The following SPAG17 variants were observed in gnomAD, a reference collection of about 807,000 sequenced individuals.
The protein encoded by SPAG17 is sperm associated antigen 17, also known as sperm-associated antigen 17.
A neutral mutation model predicts 273.6 loss-of-function variants in SPAG17; 169 were observed. That is an observed-to-expected ratio of 0.62 (90% confidence interval 0.55 to 0.70). The LOEUF is 0.70. SPAG17 is among the 30% of genes least tolerant of loss of function. SPAG17 has a pLI of 0.00. For missense variants in SPAG17, 2,557 were observed against 2,627.8 expected, an observed-to-expected ratio of 0.97 and a Z score of 0.59; for synonymous variants, 825 against 873.2, an observed-to-expected ratio of 0.94 and a Z score of 0.97.
At chr1:117,954,556 CTTGAT>C (rs1651881132) in intron 48 of SPAG17, 2 of 1,609,840 alleles carry the variant, frequency 1.2e-6, no homozygotes, top group African/African-American at 1.3e-5. Flanking sequence ...TTTTTAATGA[CTTGAT>C]TTAATAATTT....
At chr1:118,028,013 G>A (rs1291568312) in intron 26 of SPAG17, among the ~76,000 whole-genome samples, 1 of 152,170 alleles carries the variant, frequency 6.6e-6, no homozygotes, top group Non-Finnish European at 1.5e-5. Context: ...CCTTGGGCAA[G>A]TAACTGAACC....
rs373736786 is a variant in SPAG17, at chr1:118,086,430, T to C, written c.1611+241A>G. On this transcript the variant is annotated intron_variant, in intron 12 of 48. Coordinates refer to ENST00000336338, the MANE Select transcript of SPAG17 (RefSeq NM_206996.4). The stretch of plus-strand genomic sequence containing the variant: ...TAAGGTTTTAATGAAAATTTAGTGG[T>C]GGTAACAATTAATTGAATTGTTAAT... 1.2e-4 allele frequency among the ~76,000 whole-genome samples: 18 copies of C among 152,300 alleles called. 1 individual carries two copies. Among genetic ancestry groups the C allele is most frequent in the Admixed American group, 7.8e-4 (12 of 15,292 alleles).
At position 118,074,349 on chromosome 1, in the gene SPAG17, C is replaced by T. The variant is rs140861204; in HGVS notation, c.2271+190G>A. On this transcript the variant is annotated intron_variant, in intron 16 of 48. Transcript: ENST00000336338. ...AGGAGCTGGGAAGTTATGCGCAAGC[C>T]GCCTAGCAATATTAACTCCTTTCTG... Among the ~76,000 whole-genome samples, 321 of 152,246 alleles carry T rather than the reference C, an allele frequency of 2.1e-3. 2 individuals carry two copies. Among genetic ancestry groups the T allele is most frequent in the African/African-American group, 7.5e-3 (310 of 41,540 alleles).
chr1:117,977,843 C>T (rs1233158007), intron 43 of SPAG17, among the ~76,000 whole-genome samples: 1 of 152,186 alleles, frequency 6.6e-6, no homozygotes, highest in Non-Finnish European at 1.5e-5. Context: ...CACTCTCGAT[C>T]ATTCCTTTTA....
rs562158490 is a variant in SPAG17, at chr1:117,989,402, A to C, written c.5522-1198T>G. On this transcript the variant is annotated intron_variant, in intron 38 of 48. Coordinates refer to ENST00000336338, the MANE Select transcript of SPAG17 (RefSeq NM_206996.4). ...TAACGAAAAAGGAAGCAACAGAGAG[A>C]GGGGTGATGCCAGACTCATTTTACC... Among the ~76,000 whole-genome samples the C allele has an allele frequency of 7.2e-5, 11 of 151,992 alleles. No individual in the cohort carries two copies. In the East Asian group the frequency reaches 2.1e-3, roughly 30 times the overall value.
In SPAG17 at chr1:118,031,350, T is replaced by C. The variant is rs561532487; in HGVS notation, c.3609+342A>G. Reference sequence around the variant, plus strand: ...CATTTGTTATTTATCACAGTGGAGCTAAACAAAGTATTAAAAATAAGGAAT... The same window carrying C: ...CATTTGTTATTTATCACAGTGGAGCCAAACAAAGTATTAAAAATAAGGAAT... On this transcript the variant is annotated intron_variant, in intron 25 of 48. Coordinates refer to ENST00000336338, the MANE Select transcript of SPAG17 (RefSeq NM_206996.4). 2.6e-5 allele frequency among the ~76,000 whole-genome samples: 4 copies of C among 152,182 alleles called. No homozygotes were observed. The South Asian group carries it at 8.3e-4, about 32-fold the overall frequency.
chr1:117,960,646 CACA>C (rs1652952851), intron 48 of SPAG17: 1 of 152,326 alleles, frequency 6.6e-6, no homozygotes, highest in South Asian at 2.1e-4. Context: ...AGTGCATACG[CACA>C]ACACTTGAGC....
At chr1:118,000,165 C>A (rs1465314288) in intron 32 of SPAG17, among the ~76,000 whole-genome samples, 1 of 152,140 alleles carries the variant, frequency 6.6e-6, no homozygotes, top group Non-Finnish European at 1.5e-5. Flanking sequence ...GGCCTCTGTC[C>A]TGTTCCATTG....
In SPAG17 at chr1:118,101,941, C is replaced by T. The variant is rs868568967; in HGVS notation, c.448-15G>A. Reference sequence around the variant, plus strand: ...TCTTCTATTACCTGGAATGAGAGAACACTTTTTTCTCCAAATCAAACAGTG... The same window carrying T: ...TCTTCTATTACCTGGAATGAGAGAATACTTTTTTCTCCAAATCAAACAGTG... On this transcript the variant is annotated splice_polypyrimidine_tract_variant and intron_variant, in intron 4 of 48. Transcript: ENST00000336338. 8.7e-6 allele frequency: 14 copies of T among 1,600,766 alleles called. No individual in the cohort carries two copies. Among genetic ancestry groups the T allele is most frequent in the Middle Eastern group, 1.7e-4 (1 of 6,004 alleles).
intron 20 of SPAG17, among the ~76,000 whole-genome samples, chr1:118,052,426 G>C (rs1438117000): frequency 3.3e-5 from 5 of 151,584 alleles, no homozygotes. Flanking sequence ...TGTTGGTCAA[G>C]GGATGTGAAA....
chr1:117,971,703 G>A (rs1654583123), intron 45 of SPAG17, 160 bp downstream of exon 45: 1 of 516,948 alleles, frequency 1.9e-6, no homozygotes, highest in East Asian at 3.2e-5. Context: ...GTTGATGAAT[G>A]AATGAATGAG....
At chr1:118,029,270 G>C (rs902047442) in intron 25 of SPAG17, among the ~76,000 whole-genome samples, 1 of 151,980 alleles carries the variant, frequency 6.6e-6, no homozygotes, top group Non-Finnish European at 1.5e-5. Context: ...AGAGAAACAG[G>C]CTCTTACCAG....
chr1:118,150,387 T>A (rs1659306315), intron 3 of SPAG17, 156 bp downstream of exon 3: 1 of 406,170 alleles, frequency 2.5e-6, no homozygotes, highest in Non-Finnish European at 4.4e-6. Flanking sequence ...AGGAGGCAGA[T>A]TTTTTTTGTG....
At chr1:117,970,403 G>T (rs1036260278) in intron 45 of SPAG17, among the ~76,000 whole-genome samples, 1 of 152,202 alleles carries the variant, frequency 6.6e-6, no homozygotes, top group Admixed American at 6.5e-5. Context: ...CAGTGGGACT[G>T]TTTGGCTGGT....
At chr1:118,007,958 G>A (rs1659073806) in intron 31 of SPAG17, 86 bp downstream of exon 31, 3 of 1,456,212 alleles carry the variant, frequency 2.1e-6, no homozygotes, top group Non-Finnish European at 2.9e-6. Flanking sequence ...GTACATTGCA[G>A]GCATTTTTAC....
intron 40 of SPAG17, among the ~76,000 whole-genome samples, chr1:117,986,506 C>T (rs925316816): frequency 2.0e-5 from 3 of 152,222 alleles, no homozygotes; most frequent in Admixed American, 1.3e-4. Flanking sequence ...AAAAAACTTT[C>T]ACTGGCTTGC....
chr1:117,992,371 G>T, intron 36 of SPAG17, 95 bp downstream of exon 36: 5 of 1,222,684 alleles, frequency 4.1e-6, no homozygotes, highest in African/African-American at 1.5e-5. Context: ...GACAAATATT[G>T]GTAGAATTAC....
chr1:117,992,677 C>T lies in SPAG17; in HGVS notation c.5179-29G>A, dbSNP rs1242061736. On this transcript the variant is annotated intron_variant, in intron 35 of 48. Transcript: ENST00000336338. ...TTAACAAAACAAAGCAATAACACCA[C>T]CAAAGAAATCAGAATGTTTTCACAT... 12 of 1,499,264 alleles carry T rather than the reference C, an allele frequency of 8.0e-6. No individual in the cohort carries two copies. In the East Asian group the frequency reaches 2.9e-4, roughly 37 times the overall value. 92.9% of individuals were successfully genotyped at this position (1,499,264 alleles called of 1,614,324 possible).
chr1:118,177,435 A>G (rs1660745799), intron 1 of SPAG17, among the ~76,000 whole-genome samples: 1 of 152,186 alleles, frequency 6.6e-6, no homozygotes, highest in Non-Finnish European at 1.5e-5. Context: ...CTCTCTTGAC[A>G]CATGGGGATT....
Sources: gnomAD v4.1 joint callset for allele counts (sites outside exome capture counted in the v4.1 genomes callset) on GRCh38, gnomAD v4.1.1 for gene constraint, MANE v1.5 for transcripts, NCBI Gene and HGNC (gene_info 2026-07-23, HGNC 2026-07-21) for gene names.